AFDN: variants seen among roughly 807,000 people sequenced by gnomAD.
The protein encoded by AFDN is afadin.
Under a neutral mutation model 216.6 loss-of-function variants are expected in AFDN, and 68 were observed. The ratio of observed to expected loss-of-function variants is 0.31; its 90% CI spans 0.26 to 0.38. The LOEUF (loss-of-function observed/expected upper bound fraction) is 0.38, where lower values mean the gene tolerates loss of function less well. Ranked by LOEUF, AFDN falls within the 10% of genes least tolerant of loss-of-function variation. The probability of loss-of-function intolerance (pLI) is 1.00; values close to 1 mark genes in which losing one functional copy is unlikely to be tolerated. For missense variants in AFDN, 2,136 were observed against 2,342.0 expected, an observed-to-expected ratio of 0.91 and a Z score of 1.82; for synonymous variants, 868 against 853.7, an observed-to-expected ratio of 1.02 and a Z score of -0.29.
Position 167,868,139 on chromosome 6 carries a change from C to G in AFDN, c.302-2247C>G, listed in dbSNP as rs183478988. Among the ~76,000 whole-genome samples the G allele has an allele frequency of 7.2e-5, 11 of 152,118 alleles. No homozygotes were observed. In the East Asian group the frequency reaches 1.2e-3, roughly 16 times the overall value. ...CGTTGAATAACCTAACCAAAGTGATCGTTTGTACTGCCTCATCTAGTGTTT... is the reference window on the plus strand; with the variant it reads ...CGTTGAATAACCTAACCAAAGTGATGGTTTGTACTGCCTCATCTAGTGTTT... On this transcript the variant is annotated intron_variant, in intron 2 of 33. Transcript: ENST00000683244.
chr6:167,854,544 A>AT (rs951417592), intron 1 of AFDN, among the ~76,000 whole-genome samples: 4 of 151,794 alleles, frequency 2.6e-5, no homozygotes, highest in African/African-American at 7.2e-5. Flanking sequence ...GAGTTTATCC[A>AT]TTTTTTCTTG....
chr6:167,955,943 C>T (rs1477699363), intron 30 of AFDN, among the ~76,000 whole-genome samples: 3 of 151,708 alleles, frequency 2.0e-5, no homozygotes, highest in South Asian at 2.1e-4. Context: ...GGTGAAACCT[C>T]GTCTCTACTA....
chr6:167,844,682 T>A (rs1401983671), intron 1 of AFDN, among the ~76,000 whole-genome samples: 1 of 152,114 alleles, frequency 6.6e-6, no homozygotes, highest in African/African-American at 2.4e-5. Context: ...ATTCAAAAGG[T>A]AGGGGGCCCT....
chr6:167,845,830 A>G (rs142387499), intron 1 of AFDN, among the ~76,000 whole-genome samples: 1 of 152,196 alleles, frequency 6.6e-6, no homozygotes, highest in African/African-American at 2.4e-5. Flanking sequence ...AAGACTGGGT[A>G]ATTTATAAAG....
At position 167,943,938 on chromosome 6, in the gene AFDN, T is replaced by C; in HGVS notation, c.3240-3T>C. 3 of 1,613,878 alleles carry C rather than the reference T, an allele frequency of 1.9e-6. No individual in the cohort carries two copies. Among genetic ancestry groups the C allele is most frequent in the Non-Finnish European group, 2.5e-6 (3 of 1,179,764 alleles). On this transcript the variant is annotated splice_region_variant and splice_polypyrimidine_tract_variant and intron_variant, in intron 25 of 33. Coordinates refer to ENST00000683244, the MANE Select transcript of AFDN (RefSeq NM_001386888.1). ...TCTTACATGTGTAATCTTCTTCTCC[T>C]AGGGCGGCAGAACTCATGACAAGAA...
At chr6:167,934,955 A>C (rs1207816723) in intron 23 of AFDN, among the ~76,000 whole-genome samples, 1 of 152,242 alleles carries the variant, frequency 6.6e-6, no homozygotes, top group Non-Finnish European at 1.5e-5. Context: ...GTACAAAGCA[A>C]CTTATAGGTG....
At chr6:167,879,245 T>C (rs1046391978) in intron 5 of AFDN, among the ~76,000 whole-genome samples, 19 of 152,226 alleles carry the variant, frequency 1.2e-4, no homozygotes, top group African/African-American at 4.6e-4. Flanking sequence ...TGTGGACTAG[T>C]TGGTTTCTTA....
rs1274589233 is a variant in AFDN, at chr6:167,864,414, C to T, written c.106-137C>T. The stretch of plus-strand genomic sequence containing the variant: ...TGAAACTTGAAGACTAAAAACCCAT[C>T]TCTCTACATTAGTCTCAGATGTTTA... On this transcript the variant is annotated intron_variant, in intron 1 of 33. Coordinates refer to ENST00000683244, the MANE Select transcript of AFDN (RefSeq NM_001386888.1). The T allele has an allele frequency of 4.7e-6, 4 of 859,826 alleles. No homozygotes were observed. In the Admixed American group the frequency reaches 5.1e-5, roughly 11 times the overall value. The allele number at this position is 859,826 out of a possible 1,614,324, so 53.3% of individuals were successfully genotyped here.
chr6:167,943,334 C>A, intron 24 of AFDN, 68 bp from the exon 25 acceptor site: 2 of 1,499,702 alleles, frequency 1.3e-6, no homozygotes, highest in Non-Finnish European at 1.9e-6. Context: ...CTCATCATTA[C>A]CTTTTCTTCC....
At chr6:167,949,260 C>A (rs1019431300) in intron 29 of AFDN, among the ~76,000 whole-genome samples, 1 of 152,200 alleles carries the variant, frequency 6.6e-6, no homozygotes, top group Admixed American at 6.5e-5. Context: ...GTGACAAATA[C>A]ATGCCCTGGA....
rs373588683 is a variant in AFDN, at chr6:167,861,984, C to T, written c.106-2567C>T. Among the ~76,000 whole-genome samples the T allele has an allele frequency of 1.1e-3, 169 of 152,114 alleles. No individual in the cohort carries two copies. The South Asian group carries it at 0.033, about 29-fold the overall frequency. On this transcript the variant is annotated intron_variant, in intron 1 of 33. Coordinates refer to ENST00000683244, the MANE Select transcript of AFDN (RefSeq NM_001386888.1). ...TTGGAGAAGCCTGGGGGTAGTTTTG[C>T]CAATGAATATTTTAGAGACTATTAG...
chr6:167,923,620 CTTT>C (rs35743665), intron 22 of AFDN, among the ~76,000 whole-genome samples: 4 of 111,962 alleles, frequency 3.6e-5, no homozygotes, highest in African/African-American at 3.3e-5. Flanking sequence ...TACCCTAATA[CTTT>C]TTTTTTTTTT....
At chr6:167,905,330 T>C (rs1789525917) in intron 12 of AFDN, among the ~76,000 whole-genome samples, 1 of 152,206 alleles carries the variant, frequency 6.6e-6, no homozygotes, top group Non-Finnish European at 1.5e-5. Context: ...ATGCCTGCTG[T>C]GTAGAAGACT....
At chr6:167,923,030 C>A (rs757952100) in intron 22 of AFDN, 71 bp downstream of exon 22, 32 of 1,041,786 alleles carry the variant, frequency 3.1e-5, no homozygotes, top group Non-Finnish European at 4.5e-5. Flanking sequence ...AGATTTGTTT[C>A]TTTCTTACAC....
At chr6:167,941,684 G>C (rs867028091) in intron 23 of AFDN, among the ~76,000 whole-genome samples, 1 of 51,370 alleles carries the variant, frequency 1.9e-5, no homozygotes, top group Non-Finnish European at 3.5e-5. Flanking sequence ...CCACAGGAGA[G>C]ATGTGTGGAC....
Position 167,946,912 on chromosome 6 carries a change from C to T in AFDN, c.3553+11C>T, listed in dbSNP as rs781007909. 1.8e-5 allele frequency: 29 copies of T among 1,602,258 alleles called. No homozygotes were observed. Among genetic ancestry groups the T allele is most frequent in the Non-Finnish European group, 2.5e-5 (29 of 1,176,814 alleles). The stretch of plus-strand genomic sequence containing the variant: ...GCCCCAACGTAGCAAGTAAGAGTGA[C>T]ACTTTTTTGCTTCCTAAGTACACTT... On this transcript the variant is annotated intron_variant, in intron 27 of 33. Transcript: ENST00000683244.
At chr6:167,856,738 A>G (rs1562560021) in intron 1 of AFDN, among the ~76,000 whole-genome samples, 1 of 152,124 alleles carries the variant, frequency 6.6e-6, no homozygotes, top group Non-Finnish European at 1.5e-5. Flanking sequence ...TTTTTATACA[A>G]GAGGTATCTG....
intron 1 of AFDN, among the ~76,000 whole-genome samples, chr6:167,844,262 A>G (rs1781393546): frequency 1.3e-5 from 2 of 148,250 alleles, no homozygotes; most frequent in African/African-American, 2.5e-5. Context: ...TGGTCTCTTA[A>G]ATCCTGGGCT....
At chr6:167,948,195 C>T in intron 28 of AFDN, 98 bp from the exon 29 acceptor site, 3 of 1,025,048 alleles carry the variant, frequency 2.9e-6, no homozygotes, top group Non-Finnish European at 2.8e-6. Flanking sequence ...CAGTATTTAA[C>T]ATATACTATT....
Sources: gnomAD v4.1 joint callset for allele counts (sites outside exome capture counted in the v4.1 genomes callset) on GRCh38, gnomAD v4.1.1 for gene constraint, MANE v1.5 for transcripts, NCBI Gene and HGNC (gene_info 2026-07-23, HGNC 2026-07-21) for gene names.